Variants in CCDC91 observed in about 807,000 individuals in gnomAD.
CCDC91 encodes the protein coiled-coil domain-containing protein 91.
In CCDC91, 48 loss-of-function variants were observed where a neutral mutation model predicts 63.2. That is an observed-to-expected ratio of 0.76 (90% CI 0.60 to 0.97). The LOEUF (loss-of-function observed/expected upper bound fraction) is 0.97, where lower values mean the gene tolerates loss of function less well. Ranked by LOEUF, CCDC91 falls within the 50% of genes least tolerant of loss-of-function variation. The pLI, the probability that CCDC91 is intolerant of heterozygous loss-of-function variation, is 0.00. For synonymous variants in CCDC91, 167 were observed against 165.8 expected, an observed-to-expected ratio of 1.01 and a Z score of -0.06; for missense variants, 500 against 494.6, an observed-to-expected ratio of 1.01 and a Z score of -0.10.
intron 6 of CCDC91, among the ~76,000 whole-genome samples, chr12:28,335,723 A>G (rs141695876): frequency 6.6e-6 from 1 of 152,092 alleles, no homozygotes; most frequent in South Asian, 2.1e-4. Context: ...TTTAATTTTA[A>G]AAGTATTTTA....
intron 1 of CCDC91, among the ~76,000 whole-genome samples, chr12:28,213,402 G>A (rs1380571571): frequency 6.6e-6 from 1 of 152,174 alleles, no homozygotes; most frequent in African/African-American, 2.4e-5. Flanking sequence ...ACAGACAAAA[G>A]TCCAGAGAAC....
intron 11 of CCDC91, among the ~76,000 whole-genome samples, chr12:28,473,974 T>TTGTGTGTGTG (rs142414549): frequency 5.0e-4 from 75 of 149,694 alleles, no homozygotes; most frequent in South Asian, 1.5e-3. Context: ...GCATGTGTGT[T>TTGTGTGTGTG]TGTGTGTGTG....
At chr12:28,446,459 T>C (rs1254856455) in intron 8 of CCDC91, among the ~76,000 whole-genome samples, 1 of 152,168 alleles carries the variant, frequency 6.6e-6, no homozygotes, top group Admixed American at 6.5e-5. Flanking sequence ...AGAGACAGTT[T>C]AGAAGTAGGG....
chr12:28,518,987 T>C (rs1373475216), intron 12 of CCDC91, among the ~76,000 whole-genome samples: 1 of 151,810 alleles, frequency 6.6e-6, no homozygotes, highest in African/African-American at 2.4e-5. Context: ...ATTTCTGGGC[T>C]CTCTATTTTG....
intron 8 of CCDC91, among the ~76,000 whole-genome samples, chr12:28,393,075 A>G (rs1946049796): frequency 1.3e-5 from 2 of 152,112 alleles, no homozygotes; most frequent in South Asian, 2.1e-4. Flanking sequence ...ATTTCCCATG[A>G]TTATCTTTTC....
At chr12:28,479,028 G>T (rs1264838891) in intron 11 of CCDC91, among the ~76,000 whole-genome samples, 1 of 152,136 alleles carries the variant, frequency 6.6e-6, no homozygotes, top group African/African-American at 2.4e-5. Context: ...CTGTAAATTA[G>T]TTCAACCATC....
intron 12 of CCDC91, among the ~76,000 whole-genome samples, chr12:28,545,769 CT>C (rs1179674828): frequency 5.3e-5 from 8 of 151,930 alleles, no homozygotes; most frequent in Non-Finnish European, 8.8e-5. Flanking sequence ...ATCTATCAAA[CT>C]TTTTTTGTCC....
chr12:28,202,399 T>A (rs1394974167), intron 1 of CCDC91, among the ~76,000 whole-genome samples: 1 of 152,236 alleles, frequency 6.6e-6, no homozygotes, highest in Non-Finnish European at 1.5e-5. Flanking sequence ...GGAAATCAGA[T>A]TCTCCTTCTC....
chr12:28,539,421 A>G (rs1171128946), intron 12 of CCDC91, among the ~76,000 whole-genome samples: 2 of 152,242 alleles, frequency 1.3e-5, no homozygotes, highest in Non-Finnish European at 2.9e-5. Flanking sequence ...AGTTGTAGAT[A>G]AGTGGCATTA....
chr12:28,520,260 A>G (rs1015020509), intron 12 of CCDC91, among the ~76,000 whole-genome samples: 22 of 152,250 alleles, frequency 1.4e-4, no homozygotes, highest in Admixed American at 3.9e-4. Context: ...AATGATTGCC[A>G]TTCTAACTGG....
chr12:28,525,585 G>A (rs1941186078), intron 12 of CCDC91, among the ~76,000 whole-genome samples: 1 of 152,000 alleles, frequency 6.6e-6, no homozygotes, highest in Admixed American at 6.6e-5. Flanking sequence ...TGGTTGTTGG[G>A]TAGAACGTTC....
chr12:28,344,734 C>T (rs1942686176), intron 6 of CCDC91, among the ~76,000 whole-genome samples: 1 of 152,102 alleles, frequency 6.6e-6, no homozygotes, highest in Admixed American at 6.5e-5. Flanking sequence ...TGAGGAAAAT[C>T]AAGTTTAGCT....
chr12:28,499,358 A>C (rs200084889), intron 12 of CCDC91, among the ~76,000 whole-genome samples: 1 of 122,460 alleles, frequency 8.2e-6, no homozygotes, highest in Non-Finnish European at 2.0e-5. Context: ...CCTCACTTTT[A>C]TTATTATTAT....
At chr12:28,437,816 A>G (rs1174036584) in intron 8 of CCDC91, among the ~76,000 whole-genome samples, 3 of 152,078 alleles carry the variant, frequency 2.0e-5, no homozygotes, top group African/African-American at 4.8e-5. Context: ...AATACAAATG[A>G]TAAGAACTAT....
intron 12 of CCDC91, among the ~76,000 whole-genome samples, chr12:28,539,584 T>C (rs1426681171): frequency 1.3e-5 from 2 of 152,100 alleles, no homozygotes; most frequent in African/African-American, 4.8e-5. Flanking sequence ...AGGTGTTTAG[T>C]GTTATTTTTC....
intron 11 of CCDC91, among the ~76,000 whole-genome samples, chr12:28,479,277 G>A (rs1309084619): frequency 2.0e-5 from 3 of 152,154 alleles, no homozygotes; most frequent in Non-Finnish European, 4.4e-5. Flanking sequence ...GGAATACTAT[G>A]CAGCCATAAA....
intron 3 of CCDC91, among the ~76,000 whole-genome samples, chr12:28,290,459 C>CT (rs1439007507): frequency 6.6e-6 from 1 of 152,142 alleles, no homozygotes; most frequent in Non-Finnish European, 1.5e-5. Context: ...CTTTATCCAG[C>CT]TTGCCACTCT....
intron 3 of CCDC91, among the ~76,000 whole-genome samples, chr12:28,267,851 A>ATTAATATATAATTATATATAATTATAT (rs1353558733): frequency 4.6e-5 from 1 of 21,552 alleles, no homozygotes; most frequent in African/African-American, 1.4e-4. Context: ...ATAATTATAT[A>ATTAATATATAATTATATATAATTATAT]GTAATATATA....
intron 8 of CCDC91, among the ~76,000 whole-genome samples, chr12:28,425,985 G>A (rs1278036803): frequency 6.6e-6 from 1 of 152,094 alleles, no homozygotes; most frequent in Non-Finnish European, 1.5e-5. Flanking sequence ...CTGTATGTAC[G>A]TGGGCCTCTG....
Sources: allele counts gnomAD v4.1 joint callset (sites outside exome capture counted in the v4.1 genomes callset), GRCh38; gene constraint gnomAD v4.1.1; transcripts MANE v1.5; gene names NCBI Gene and HGNC (gene_info 2026-07-23, HGNC 2026-07-21).